RBM44: variants seen among roughly 807,000 people sequenced by gnomAD.
RBM44 encodes the protein RNA-binding protein 44.
Under a neutral mutation model 105.1 loss-of-function variants are expected in RBM44, and 66 were observed. The observed-to-expected ratio is 0.63, with a 90% CI of 0.52 to 0.77. The LOEUF (loss-of-function observed/expected upper bound fraction) is 0.77, where lower values mean the gene tolerates loss of function less well. RBM44 is among the 30% of genes least tolerant of loss of function. RBM44 has a pLI of 0.00. For synonymous variants in RBM44, 365 were observed against 417.6 expected, an observed-to-expected ratio of 0.87 and a Z score of 1.54; for missense variants, 1,122 against 1,207.8, an observed-to-expected ratio of 0.93 and a Z score of 1.05.
At chr2:237,821,700 T>C in intron 7 of RBM44, 43 bp from the exon 8 acceptor site, 1 of 1,362,128 alleles carries the variant, frequency 7.3e-7, no homozygotes, top group Non-Finnish European at 1.0e-6. Flanking sequence ...CTTACTCTGT[T>C]ATCAAACATT....
At chr2:237,800,444 T>C (rs1158603576) in intron 1 of RBM44, among the ~76,000 whole-genome samples, 1 of 152,226 alleles carries the variant, frequency 6.6e-6, no homozygotes, top group South Asian at 2.1e-4. Flanking sequence ...TAACTTTGGG[T>C]GTCTTCATAT....
In RBM44 at chr2:237,824,975, T is replaced by G. The variant is rs74357797; in HGVS notation, c.2449+556T>G. Among the ~76,000 whole-genome samples, 1,485 of 152,216 alleles carry G rather than the reference T, an allele frequency of 9.8e-3. 63 individuals carry two copies. The East Asian group carries it at 0.14, about 14-fold the overall frequency. On this transcript the variant is annotated intron_variant, in intron 10 of 15. Transcript: ENST00000316997. ...ATTTTTTCTGTATCTTCTATGGATTTTTCTTTTATTTTCCATATCAGCATT... is the reference window on the plus strand; with the variant it reads ...ATTTTTTCTGTATCTTCTATGGATTGTTCTTTTATTTTCCATATCAGCATT...
At chr2:237,830,034 G>A (rs937667297) in intron 13 of RBM44, among the ~76,000 whole-genome samples, 1 of 151,934 alleles carries the variant, frequency 6.6e-6, no homozygotes, top group Non-Finnish European at 1.5e-5. Flanking sequence ...AATACTTTTT[G>A]GTGCCTATAG....
intron 15 of RBM44, among the ~76,000 whole-genome samples, chr2:237,835,079 A>C (rs898088421): frequency 6.6e-6 from 1 of 152,178 alleles, no homozygotes; most frequent in African/African-American, 2.4e-5. Context: ...ACAACATTTC[A>C]AACTTTTTTG....
intron 2 of RBM44, among the ~76,000 whole-genome samples, chr2:237,814,301 G>C (rs2061689830): frequency 6.6e-6 from 1 of 152,148 alleles, no homozygotes; most frequent in South Asian, 2.1e-4. Flanking sequence ...AATCAATGCA[G>C]AAAGCATTGT....
At chr2:237,836,778 C>CA (rs71039782) in intron 15 of RBM44, among the ~76,000 whole-genome samples, 8,261 of 87,566 alleles carry the variant, frequency 0.094, 362 homozygotes, top group African/African-American at 0.18. Context: ...GACTCCGTCT[C>CA]AAAAAAAAAA....
Position 237,824,372 on chromosome 2 carries a change from A to C in RBM44, c.2402A>C (p.Gln801Pro). The C allele has an allele frequency of 6.2e-7, 1 of 1,612,984 alleles. No individual in the cohort carries two copies. Among genetic ancestry groups the C allele is most frequent in the Non-Finnish European group, 8.5e-7 (1 of 1,179,254 alleles). ...SLTGVDVSGT[Q>P]GNQVEQDTWN... is the part of the protein sequence containing the mutation. ...ACAGGAGTTGACGTCTCAGGGACAC[A>C]GGGAAATCAAGTAGAACAAGACACA... is the stretch of plus-strand genomic sequence containing the variant. Residue 801 changes from glutamine (Q) to proline (P), a missense_variant, in exon 10 of 16, where the codon CAG (glutamine) becomes CCG (proline). Physicochemically the swap from Gln to Pro is moderately conservative, Grantham distance 76. This residue lies in a region of RBM44 where 918 missense variants were observed against 955.3 expected (regional missense o/e 0.96). Coordinates refer to ENST00000316997, the MANE Select transcript of RBM44 (RefSeq NM_001080504.3).
Position 237,803,765 on chromosome 2 carries a change from A to AT in RBM44, c.-19+4906dup, listed in dbSNP as rs1475026009. ...TTTGGTTTTCACATTTAAAAATATG[A>AT]TTCATCTCACTTTTATTGTGGTGTG... On this transcript the variant is annotated intron_variant, in intron 1 of 15. Transcript: ENST00000316997. The surrounding 1 kb of genome is among the most constrained non-coding windows in gnomAD (Gnocchi z 4.2). 3.9e-5 allele frequency among the ~76,000 whole-genome samples: 6 copies of AT among 152,194 alleles called. No homozygotes were observed. Among genetic ancestry groups the AT allele is most frequent in the Admixed American group, 3.3e-4 (5 of 15,274 alleles).
rs1311427222 is a variant in RBM44 at position 237,834,088 on chromosome 2, G to GT, written c.2979dup (p.Ser994Ter). On this transcript the variant is annotated frameshift_variant, in exon 14 of 16. Transcript: ENST00000316997. LOFTEE classifies it high-confidence loss of function. The stretch of plus-strand genomic sequence containing the variant: ...ATACCTCCAAATACATTGAACCTTC[G>GT]TAGCTTTACCAAGATCATAAAGAGA... The GT allele has an allele frequency of 6.3e-7, 1 of 1,582,356 alleles. No individual in the cohort carries two copies. The highest frequency in any genetic ancestry group is 1.3e-5 in the African/African-American group (1 of 74,430).
chr2:237,814,015 T>C (rs1183649281), intron 2 of RBM44, among the ~76,000 whole-genome samples: 1 of 152,138 alleles, frequency 6.6e-6, no homozygotes, highest in African/African-American at 2.4e-5. Context: ...GTTGTATATG[T>C]TTTCTTCTTC....
chr2:237,816,771 C>A (rs1345153651), intron 2 of RBM44, among the ~76,000 whole-genome samples: 1 of 152,116 alleles, frequency 6.6e-6, no homozygotes, highest in African/African-American at 2.4e-5. Context: ...AACCTAATTA[C>A]CTCTCCAAGT....
intron 1 of RBM44, among the ~76,000 whole-genome samples, chr2:237,808,065 G>A (rs1219011516): frequency 6.6e-6 from 1 of 152,104 alleles, no homozygotes; most frequent in Admixed American, 6.5e-5. Flanking sequence ...GGTTACTGGA[G>A]TTACTAAATA....
At chr2:237,805,792 C>T (rs900413250) in intron 1 of RBM44, among the ~76,000 whole-genome samples, 5 of 152,108 alleles carry the variant, frequency 3.3e-5, no homozygotes, top group Admixed American at 2.0e-4. Context: ...TAGGGAGACC[C>T]TGTCTCTACA....
At position 237,817,972 on chromosome 2, in the gene RBM44, A is replaced by G. The variant is rs781517015; in HGVS notation, c.1053A>G (p.Ile351Met). The G allele has an allele frequency of 1.2e-6, 2 of 1,611,118 alleles. No individual in the cohort carries two copies. Among genetic ancestry groups the G allele is most frequent in the Non-Finnish European group, 1.7e-6 (2 of 1,178,864 alleles). ...GAAATAAAATTGTTGAGAACAAAATATTACTGCACCTTGAAAATCCTAGCA... is the reference window on the plus strand; with the variant it reads ...GAAATAAAATTGTTGAGAACAAAATGTTACTGCACCTTGAAAATCCTAGCA... ...FCGNKIVENKILLHLENPSTL... is the reference protein window; with the variant it reads ...FCGNKIVENKMLLHLENPSTL... The change falls in exon 3 of 16, where the codon ATA (isoleucine) becomes ATG (methionine). Residue 351 changes from isoleucine to methionine, a missense_variant. Physicochemically the swap from Ile to Met is conservative, Grantham distance 10. Around this residue, in one of 3 missense-constraint regions of RBM44, gnomAD observed 918 missense variants for 955.3 expected, o/e 0.96. Coordinates refer to ENST00000316997, the MANE Select transcript of RBM44 (RefSeq NM_001080504.3).
At chr2:237,799,094 CGGGCGCCG>C (rs2061517440) in intron 1 of RBM44, 1 of 152,094 alleles carries the variant, frequency 6.6e-6, no homozygotes, top group African/African-American at 2.4e-5. Flanking sequence ...GCCCTCATAG[CGGGCGCCG>C]ACACCGCAAA....
chr2:237,821,190 A>G lies in RBM44; in HGVS notation c.2033A>G (p.Glu678Gly), dbSNP rs1424551261. ...KEKIHKGIPL[E>G]ELPPLSLESK... The stretch of plus-strand genomic sequence containing the variant: ...AAAATACACAAAGGCATACCACTGG[A>G]AGAGCTGCCCCCACTGTCACTAGAA... Residue 678 changes from glutamate (E) to glycine (G), a missense_variant, in exon 6 of 16, where the codon GAA becomes GGA. Physicochemically the swap from Glu to Gly is moderately conservative, Grantham distance 98. This residue lies in a region of RBM44 where 918 missense variants were observed against 955.3 expected (regional missense o/e 0.96). Transcript: ENST00000316997. 6.2e-7 allele frequency: 1 copy of G among 1,610,754 alleles called. No individual in the cohort carries two copies. The highest frequency in any genetic ancestry group is 1.7e-5 in the Admixed American group (1 of 59,424).
intron 2 of RBM44, among the ~76,000 whole-genome samples, chr2:237,814,778 A>G (rs1162340277): frequency 1.3e-5 from 2 of 152,154 alleles, no homozygotes; most frequent in Non-Finnish European, 2.9e-5. Context: ...ATTATTTGGC[A>G]AATGGTATTA....
rs772478500 is a variant in RBM44, at chr2:237,817,519, T to G, written c.600T>G (p.His200Gln). ...AAGAACAAGAATACATAAGTAACCA[T>G]TTATCTTTTGACCAAACAAAAGCAT... ...SAEEQEYISN[H>Q]LSFDQTKALD... Residue 200 changes from histidine (H) to glutamine (Q), a missense_variant, in exon 3 of 16, where the codon CAT (histidine) becomes CAG (glutamine). This residue lies in a region of RBM44 where 918 missense variants were observed against 955.3 expected (regional missense o/e 0.96). Coordinates refer to ENST00000316997, the MANE Select transcript of RBM44 (RefSeq NM_001080504.3). The G allele has an allele frequency of 3.0e-5, 49 of 1,608,970 alleles. No homozygotes were observed. In the East Asian group the frequency reaches 3.8e-4, roughly 12 times the overall value.
intron 1 of RBM44, among the ~76,000 whole-genome samples, chr2:237,801,904 A>G (rs1001337376): frequency 1.3e-5 from 2 of 152,176 alleles, no homozygotes; most frequent in African/African-American, 2.4e-5. Context: ...TGTGAATCCC[A>G]AAGTAGGTAC....
Sources: gnomAD v4.1 joint callset for allele counts (sites outside exome capture counted in the v4.1 genomes callset) on GRCh38, gnomAD v4.1.1 for gene constraint, gnomAD v4.1.1 regional missense constraint, Gnocchi (gnomAD v3.1) non-coding constraint, MANE v1.5 for transcripts, NCBI Gene and HGNC (gene_info 2026-07-23, HGNC 2026-07-21) for gene names.